Variants in NXPH4 observed in about 807,000 individuals in gnomAD.
NXPH4 encodes the protein neurexophilin 4, also known as neurexophilin-4.
A neutral mutation model predicts 21.3 loss-of-function variants in NXPH4; 8 were observed. That is an observed-to-expected ratio of 0.38 (90% CI 0.22 to 0.68). The LOEUF (loss-of-function observed/expected upper bound fraction) is 0.68, where lower values mean the gene tolerates loss of function less well. NXPH4 is among the 30% of genes least tolerant of loss of function. The pLI is 0.53. For missense variants in NXPH4, 418 were observed against 416.8 expected (o/e 1.00, Z -0.03); for synonymous variants, 219 against 192.6 (o/e 1.14, Z -1.13).
At position 57,225,938 on chromosome 12, in the gene NXPH4, C is replaced by G. The variant is rs1041691649; in HGVS notation, c.*191C>G. 4.9e-6 allele frequency: 7 copies of G among 1,435,730 alleles called. 1 individual carries two copies. In the Admixed American group the frequency reaches 8.6e-5, roughly 18 times the overall value. The allele number at this position is 1,435,730 out of a possible 1,614,324, so 88.9% of individuals were successfully genotyped here. A position where few individuals can be genotyped will look rare whatever the true frequency, so the allele number is the denominator to read the frequency against. Reference sequence around the variant, plus strand: ...TTCCTTATGCGGAGTGCCCGCAAGGCTGGGGTAGCCCCCTCCAGTACACCC... The same window carrying G: ...TTCCTTATGCGGAGTGCCCGCAAGGGTGGGGTAGCCCCCTCCAGTACACCC... On this transcript the variant is annotated 3_prime_UTR_variant, in exon 2 of 2. Coordinates refer to ENST00000349394, the MANE Select transcript of NXPH4 (RefSeq NM_007224.4).
chr12:57,218,870 TGTGA>T (rs1432892725), intron 1 of NXPH4, among the ~76,000 whole-genome samples: 1 of 152,184 alleles, frequency 6.6e-6, no homozygotes, highest in Non-Finnish European at 1.5e-5. Flanking sequence ...TCTGTGCACT[TGTGA>T]GTGTGGCGTA....
rs1161878573 is a variant in NXPH4, at chr12:57,224,988, G to C, written c.168G>C (p.Ser56=). The change falls in exon 2 of 2, where the codon TCG becomes TCC. Residue 56 remains serine (S), a synonymous_variant. Transcript: ENST00000349394. Reference sequence around the variant, plus strand: ...AGCAGCTCCCAGAGCCAAGGTCTTCGGACGGCCTAGGCGTGGGCCGCGCCT... The same window carrying C: ...AGCAGCTCCCAGAGCCAAGGTCTTCCGACGGCCTAGGCGTGGGCCGCGCCT... ...PGQQLPEPRS[S]DGLGVGRAWS... 3.4e-6 allele frequency: 5 copies of C among 1,462,434 alleles called. No homozygotes were observed. The highest frequency in any genetic ancestry group is 1.4e-5 in the South Asian group (1 of 73,874). The allele number at this position is 1,462,434 out of a possible 1,614,324, so 90.6% of individuals were successfully genotyped here.
intron 1 of NXPH4, among the ~76,000 whole-genome samples, chr12:57,222,486 T>TG (rs1167484844): frequency 6.6e-6 from 1 of 152,122 alleles, no homozygotes; most frequent in Non-Finnish European, 1.5e-5. Flanking sequence ...TGGAGGCATT[T>TG]GGGGTCATAA....
In NXPH4 at chr12:57,225,804, A is replaced by C. The variant is rs908058721; in HGVS notation, c.*57A>C. 6.4e-7 allele frequency: 1 copy of C among 1,556,046 alleles called. No individual in the cohort carries two copies. Among genetic ancestry groups the C allele is most frequent in the Non-Finnish European group, 8.7e-7 (1 of 1,148,426 alleles). ...CCAAATCCCAGCCTCACTAGGTGGG[A>C]CCCCCTTCCCAGTGTTCTGCCGCTC... On this transcript the variant is annotated 3_prime_UTR_variant, in exon 2 of 2. Coordinates refer to ENST00000349394, the MANE Select transcript of NXPH4 (RefSeq NM_007224.4).
chr12:57,216,917 G>T lies in NXPH4; in HGVS notation c.-53G>T. The T allele has an allele frequency of 2.1e-6, 3 of 1,456,006 alleles. No individual in the cohort carries two copies. Among genetic ancestry groups the T allele is most frequent in the Non-Finnish European group, 1.8e-6 (2 of 1,090,834 alleles). 90.2% of individuals were successfully genotyped at this position (1,456,006 alleles called of 1,614,324 possible). A position where few individuals can be genotyped will look rare whatever the true frequency, so the allele number is the denominator to read the frequency against. On this transcript the variant is annotated 5_prime_UTR_variant, in exon 1 of 2. Transcript: ENST00000349394. The surrounding 1 kb of genome is among the most constrained non-coding windows in gnomAD (Gnocchi z 5.3). ...CCGGAGCCCCGCGTCCCTAGGCCTGGCTCCCGCCTGCCCGAGACCCGCCCA... is the reference window on the plus strand; with the variant it reads ...CCGGAGCCCCGCGTCCCTAGGCCTGTCTCCCGCCTGCCCGAGACCCGCCCA...
chr12:57,217,860 C>T (rs1365397767), intron 1 of NXPH4, among the ~76,000 whole-genome samples: 1 of 152,222 alleles, frequency 6.6e-6, no homozygotes, highest in African/African-American at 2.4e-5. Context: ...GTGCATGTGT[C>T]CAGGGAAGCC....
At chr12:57,223,696 G>A (rs940679153) in intron 1 of NXPH4, among the ~76,000 whole-genome samples, 2 of 152,188 alleles carry the variant, frequency 1.3e-5, no homozygotes, top group Non-Finnish European at 2.9e-5. Flanking sequence ...TGCTCCCCTC[G>A]CTGGAGCGGC....
chr12:57,222,986 C>T (rs1226074960), intron 1 of NXPH4, among the ~76,000 whole-genome samples: 1 of 152,160 alleles, frequency 6.6e-6, no homozygotes, highest in African/African-American at 2.4e-5. Flanking sequence ...CCCAGTGACA[C>T]TGTGTGTGTA....
intron 1 of NXPH4, among the ~76,000 whole-genome samples, chr12:57,224,609 C>T (rs1165509644): frequency 6.6e-6 from 1 of 152,204 alleles, no homozygotes; most frequent in Non-Finnish European, 1.5e-5. Context: ...TTTTGGCCCT[C>T]ATTGGAGCTC....
In NXPH4 at chr12:57,226,232, T is replaced by C; in HGVS notation, c.*485T>C. ...TGTCCTCCCACCATTCTGCCTGCCA[T>C]ATGCCTGTCCCCTTTTCCTCCAAAC... On this transcript the variant is annotated 3_prime_UTR_variant, in exon 2 of 2. Transcript: ENST00000349394. 1 of 371,982 alleles carries C rather than the reference T, an allele frequency of 2.7e-6. No homozygotes were observed. The highest frequency in any genetic ancestry group is 3.9e-5 in the East Asian group (1 of 25,400). The allele number at this position is 371,982 out of a possible 1,614,324, so 23.0% of individuals were successfully genotyped here. A position where few individuals can be genotyped will look rare whatever the true frequency, so the allele number is the denominator to read the frequency against.
At position 57,225,376 on chromosome 12, in the gene NXPH4, C is replaced by T. The variant is rs1246820346; in HGVS notation, c.556C>T (p.Leu186Phe). 1 of 1,591,116 alleles carries T rather than the reference C, an allele frequency of 6.3e-7. No homozygotes were observed. Among genetic ancestry groups the T allele is most frequent in the Non-Finnish European group, 8.5e-7 (1 of 1,172,414 alleles). Residue 186 changes from leucine (L) to phenylalanine (F), a missense_variant, in exon 2 of 2, where the codon CTT (leucine) becomes TTT (phenylalanine). Coordinates refer to ENST00000349394, the MANE Select transcript of NXPH4 (RefSeq NM_007224.4). ...GTCTACGCTCGCCCTGGAGGGGGTG[C>T]TTCCTGGGCTGGGGCCCCCGCTGGG... The part of the protein sequence containing the change: ...LQSTLALEGV[L>F]PGLGPPLGMA...
At chr12:57,217,444 C>T (rs2037051624) in intron 1 of NXPH4, among the ~76,000 whole-genome samples, 1 of 152,244 alleles carries the variant, frequency 6.6e-6, no homozygotes, top group South Asian at 2.1e-4. Context: ...CATTTCTCTT[C>T]TCTGCACTTG....
chr12:57,223,181 C>G (rs773445415), intron 1 of NXPH4, among the ~76,000 whole-genome samples: 2 of 152,150 alleles, frequency 1.3e-5, no homozygotes, highest in African/African-American at 4.8e-5. Flanking sequence ...TACGGATACA[C>G]CCCCTTTAGA....
chr12:57,217,085 C>T, intron 1 of NXPH4, 59 bp downstream of exon 1: 1 of 1,459,574 alleles, frequency 6.9e-7, no homozygotes, highest in Non-Finnish European at 9.4e-7. Flanking sequence ...CGCGAAGGTC[C>T]CAGTGTGCGA....
At chr12:57,220,320 C>G (rs1475041875) in intron 1 of NXPH4, among the ~76,000 whole-genome samples, 1 of 152,228 alleles carries the variant, frequency 6.6e-6, no homozygotes, top group Non-Finnish European at 1.5e-5. Context: ...CGCTCCGCGG[C>G]TCCCCCCAAC....
intron 1 of NXPH4, among the ~76,000 whole-genome samples, chr12:57,222,165 C>T (rs1239511772): frequency 2.0e-5 from 3 of 152,162 alleles, no homozygotes; most frequent in Non-Finnish European, 2.9e-5. Flanking sequence ...CCTACAAGGT[C>T]GCTTCAGCCG....
Position 57,226,103 on chromosome 12 carries a change from T to G in NXPH4, c.*356T>G. 2.0e-6 allele frequency: 1 copy of G among 495,828 alleles called. No homozygotes were observed. The highest frequency in any genetic ancestry group is 3.4e-6 in the Non-Finnish European group (1 of 292,632). 30.7% of individuals were successfully genotyped at this position (495,828 alleles called of 1,614,324 possible). A position where few individuals can be genotyped will look rare whatever the true frequency, so the allele number is the denominator to read the frequency against. ...TCCCTTTCCCCGCAGCTTTAATAAC[T>G]CCTGGCCTGGCACCCTCACCCCACC... On this transcript the variant is annotated 3_prime_UTR_variant, in exon 2 of 2. Coordinates refer to ENST00000349394, the MANE Select transcript of NXPH4 (RefSeq NM_007224.4).
chr12:57,223,706 C>T (rs1158713404), intron 1 of NXPH4, among the ~76,000 whole-genome samples: 2 of 152,242 alleles, frequency 1.3e-5, no homozygotes, highest in South Asian at 2.1e-4. Flanking sequence ...GCTGGAGCGG[C>T]ATCTCCATAT....
chr12:57,225,496 A>G lies in NXPH4; in HGVS notation c.676A>G (p.Lys226Glu). Residue 226 changes from lysine (K) to glutamate (E), a missense_variant, in exon 2 of 2, where the codon AAA becomes GAA. Physicochemically the swap from Lys to Glu is moderately conservative, Grantham distance 56 (BLOSUM62 1). Transcript: ENST00000349394. Reference sequence around the variant, plus strand: ...GGGCGCGTTGGGAGTGCCTGGGGCCAAAGAGTCACGCGCTTTCAATTGCCA... The same window carrying G: ...GGGCGCGTTGGGAGTGCCTGGGGCCGAAGAGTCACGCGCTTTCAATTGCCA... The part of the protein sequence containing the change: ...LGGALGVPGA[K>E]ESRAFNCHVE... 1 of 1,609,026 alleles carries G rather than the reference A, an allele frequency of 6.2e-7. No individual in the cohort carries two copies. Among genetic ancestry groups the G allele is most frequent in the Non-Finnish European group, 8.5e-7 (1 of 1,178,680 alleles).
Sources: gnomAD v4.1 joint callset for allele counts (sites outside exome capture counted in the v4.1 genomes callset) on GRCh38, gnomAD v4.1.1 for gene constraint, Gnocchi (gnomAD v3.1) non-coding constraint, MANE v1.5 for transcripts, NCBI Gene and HGNC (gene_info 2026-07-23, HGNC 2026-07-21) for gene names.